Variants in CNTFR observed in about 807,000 individuals in gnomAD.
The protein encoded by CNTFR is ciliary neurotrophic factor receptor.
CNTFR carries 12 observed loss-of-function variants against 40.4 expected under a neutral mutation model. That is an observed-to-expected ratio of 0.30 (90% CI 0.19 to 0.48). The LOEUF (loss-of-function observed/expected upper bound fraction) is 0.48. Among genes scored for constraint, CNTFR ranks in the 20% least tolerant of loss-of-function variants. The pLI, the probability that CNTFR is intolerant of heterozygous loss-of-function variation, is 0.99. For missense variants in CNTFR, 414 were observed against 506.8 expected (o/e 0.82, Z 1.76); for synonymous variants, 202 against 209.6 (o/e 0.96, Z 0.31).
intron 2 of CNTFR, among the ~76,000 whole-genome samples, chr9:34,577,531 G>T (rs10217248): frequency 0.023 from 3,460 of 152,282 alleles, 142 homozygotes; most frequent in African/African-American, 0.079. Context: ...ATGAAGCCAG[G>T]CTTTGGGGAT....
At chr9:34,559,155 G>C (rs1187102449) in intron 4 of CNTFR, among the ~76,000 whole-genome samples, 1 of 152,184 alleles carries the variant, frequency 6.6e-6, no homozygotes, top group Non-Finnish European at 1.5e-5. Context: ...AATAAGCCAG[G>C]GACAGTGAAG....
intron 6 of CNTFR, among the ~76,000 whole-genome samples, chr9:34,556,843 A>T (rs1172640509): frequency 6.6e-6 from 1 of 151,958 alleles, no homozygotes; most frequent in African/African-American, 2.4e-5. Flanking sequence ...TTTTCACTTC[A>T]ACTTTTCCAG....
intron 7 of CNTFR, among the ~76,000 whole-genome samples, chr9:34,555,494 GA>G (rs1825798595): frequency 6.6e-6 from 1 of 152,144 alleles, no homozygotes; most frequent in Non-Finnish European, 1.5e-5. Flanking sequence ...CTCAAAGCAA[GA>G]GAACCCGAAG....
chr9:34,556,169 G>A (rs1362581397), intron 7 of CNTFR, 86 bp downstream of exon 7: 2 of 1,436,916 alleles, frequency 1.4e-6, no homozygotes, highest in East Asian at 4.9e-5. Flanking sequence ...TCACACTGGA[G>A]CTGCTGCCAC....
At position 34,557,954 on chromosome 9, in the gene CNTFR, C is replaced by T. The variant is rs774551895; in HGVS notation, c.350G>A (p.Arg117His). 1.3e-5 allele frequency: 20 copies of T among 1,558,052 alleles called. No individual in the cohort carries two copies. In the Middle Eastern group the frequency reaches 5.2e-4, roughly 40 times the overall value. ...LPPREPVLSC[R>H]SNTYPKGFYC... ...GAAGCCCTTGGGGTAAGTGTTGGAG[C>T]GGCAGCTGAGCACAGGCTCCCGCGG... The change falls in exon 5 of 10, where the codon CGC (arginine) becomes CAC (histidine). Residue 117 changes from arginine to histidine, a missense_variant. Physicochemically the swap from Arg to His is conservative, Grantham distance 29. Coordinates refer to ENST00000378980, the MANE Select transcript of CNTFR (RefSeq NM_147164.3). The surrounding 1 kb of genome is among the most constrained non-coding windows in gnomAD (Gnocchi z 4.2).
In CNTFR at chr9:34,589,717, C is replaced by G. The variant is rs1827700133; in HGVS notation, c.-274G>C. 1 of 155,836 alleles carries G rather than the reference C, an allele frequency of 6.4e-6. No homozygotes were observed. Among genetic ancestry groups the G allele is most frequent in the Non-Finnish European group, 1.4e-5 (1 of 71,470 alleles). 9.7% of individuals were successfully genotyped at this position (155,836 alleles called of 1,614,324 possible). A position where few individuals can be genotyped will look rare whatever the true frequency, so the allele number is the denominator to read the frequency against. ...CTCCGCTGCCGCCGCCGCCGCCGCC[C>G]GCTCTGCACCGGCTCTTCAGCGCTC... On this transcript the variant is annotated 5_prime_UTR_variant, in exon 1 of 10. Transcript: ENST00000378980. This position sits in a 1 kb window ranked among gnomAD's most constrained non-coding sequence, Gnocchi z 4.4.
At chr9:34,560,659 T>C (rs902858473) in intron 4 of CNTFR, among the ~76,000 whole-genome samples, 2 of 152,194 alleles carry the variant, frequency 1.3e-5, no homozygotes, top group African/African-American at 4.8e-5. Context: ...TTAAAGAGAG[T>C]GTGTGAGCAA....
In CNTFR at chr9:34,557,897, T is replaced by C; in HGVS notation, c.407A>G (p.Tyr136Cys). Reference sequence around the variant, plus strand: ...AGTCACATTGAAGGTGTTGGGAATGTAGGTGGGGGTGGGCAGATGCCAGCT... The same window carrying C: ...AGTCACATTGAAGGTGTTGGGAATGCAGGTGGGGGTGGGCAGATGCCAGCT... ...YCSWHLPTPT[Y>C]IPNTFNVTVL... The change falls in exon 5 of 10, where the codon TAC becomes TGC. Residue 136 changes from tyrosine (Y) to cysteine (C), a missense_variant. Transcript: ENST00000378980. The surrounding 1 kb of genome is among the most constrained non-coding windows in gnomAD (Gnocchi z 4.2). The C allele has an allele frequency of 3.8e-6, 6 of 1,569,824 alleles. No homozygotes were observed. In the South Asian group the frequency reaches 6.0e-5, roughly 16 times the overall value.
intron 2 of CNTFR, 73 bp from the exon 3 acceptor site, chr9:34,569,054 G>C (rs1167869767): frequency 4.3e-6 from 6 of 1,396,970 alleles, no homozygotes; most frequent in Non-Finnish European, 5.9e-6. Context: ...AGCCCCTCCT[G>C]TTCTCAGGCA....
rs988856201 is a variant in CNTFR at position 34,552,027 on chromosome 9, T to A, written c.*44A>T. 3 of 1,145,726 alleles carry A rather than the reference T, an allele frequency of 2.6e-6. No individual in the cohort carries two copies. Among genetic ancestry groups the A allele is most frequent in the Non-Finnish European group, 2.6e-6 (2 of 767,062 alleles). 71.0% of individuals were successfully genotyped at this position (1,145,726 alleles called of 1,614,324 possible). On this transcript the variant is annotated 3_prime_UTR_variant, in exon 10 of 10. Coordinates refer to ENST00000378980, the MANE Select transcript of CNTFR (RefSeq NM_147164.3). This position sits in a 1 kb window ranked among gnomAD's most constrained non-coding sequence, Gnocchi z 5.1. ...GTCTGCAGGCTCAGCTCCGGCCTCC[T>A]GCTCCTCTGCAGGTGCTCTGCATGT... is the stretch of plus-strand genomic sequence containing the variant.
intron 4 of CNTFR, among the ~76,000 whole-genome samples, chr9:34,559,363 G>C (rs946232467): frequency 6.6e-6 from 1 of 152,224 alleles, no homozygotes; most frequent in Non-Finnish European, 1.5e-5. Context: ...TGAGGGGGCA[G>C]AGAGGCATCA....
At chr9:34,562,909 CCTT>C (rs1040508407) in intron 4 of CNTFR, among the ~76,000 whole-genome samples, 5 of 152,106 alleles carry the variant, frequency 3.3e-5, no homozygotes, top group East Asian at 1.9e-4. Context: ...CTTGCTGGCT[CCTT>C]CTTATTTCTT....
intron 4 of CNTFR, among the ~76,000 whole-genome samples, chr9:34,558,515 T>G (rs1369001062): frequency 6.6e-6 from 1 of 152,202 alleles, no homozygotes; most frequent in African/African-American, 2.4e-5. Flanking sequence ...GCTGTTTGTA[T>G]GCGTATCTGT....
Position 34,552,561 on chromosome 9 carries a change from G to A in CNTFR, c.949+113C>T. 8.4e-7 allele frequency: 1 copy of A among 1,196,328 alleles called. No homozygotes were observed. Among genetic ancestry groups the A allele is most frequent in the Non-Finnish European group, 1.1e-6 (1 of 870,832 alleles). The allele number at this position is 1,196,328 out of a possible 1,614,324, so 74.1% of individuals were successfully genotyped here. The stretch of plus-strand genomic sequence containing the variant: ...AGGAGTTGGACAGACAGGCAGAAGT[G>A]TGGCTACCCCCGGGAGCAGAGGCTG... On this transcript the variant is annotated intron_variant, in intron 8 of 9. Transcript: ENST00000378980. The surrounding 1 kb of genome is among the most constrained non-coding windows in gnomAD (Gnocchi z 5.1).
In CNTFR at chr9:34,555,861, G is replaced by A. The variant is rs572723017; in HGVS notation, c.768+394C>T. Among the ~76,000 whole-genome samples, 446 of 151,076 alleles carry A rather than the reference G, an allele frequency of 3.0e-3. 4 individuals are homozygous for A. The highest frequency in any genetic ancestry group is 0.01 in the African/African-American group (412 of 41,026). On this transcript the variant is annotated intron_variant, in intron 7 of 9. Transcript: ENST00000378980. ...TGGTCAGGGCTGAGAGCGAGGTAAGGAAAGGGAGCCTTGCCTGTCCTGCCC... is the reference window on the plus strand; with the variant it reads ...TGGTCAGGGCTGAGAGCGAGGTAAGAAAAGGGAGCCTTGCCTGTCCTGCCC...
chr9:34,573,025 C>T (rs1235798600), intron 2 of CNTFR, among the ~76,000 whole-genome samples: 2 of 152,188 alleles, frequency 1.3e-5, no homozygotes, highest in Admixed American at 6.5e-5. Flanking sequence ...GTCTGACAGC[C>T]GCCGTCGGTA....
chr9:34,557,745 G>A lies in CNTFR; in HGVS notation c.438-53C>T. The A allele has an allele frequency of 6.2e-7, 1 of 1,607,722 alleles. No homozygotes were observed. Among genetic ancestry groups the A allele is most frequent in the South Asian group, 1.1e-5 (1 of 90,884 alleles). On this transcript the variant is annotated intron_variant, in intron 5 of 9. Coordinates refer to ENST00000378980, the MANE Select transcript of CNTFR (RefSeq NM_147164.3). The surrounding 1 kb of genome is among the most constrained non-coding windows in gnomAD (Gnocchi z 4.2). ...TTACGAACATCAAGGGTCAGGTGGG[G>A]CAGAGGTTGAGGAAAGGTCAAGCCC...
intron 1 of CNTFR, among the ~76,000 whole-genome samples, chr9:34,583,071 G>C (rs557949338): frequency 1.3e-5 from 2 of 152,142 alleles, no homozygotes; most frequent in Admixed American, 6.5e-5. Context: ...AATTACAGCC[G>C]CTCCCCCAGC....
chr9:34,590,659 AG>A (rs1395509112), upstream of CNTFR, among the ~76,000 whole-genome samples: 1 of 152,198 alleles, frequency 6.6e-6, no homozygotes, highest in African/African-American at 2.4e-5. Context: ...ATGAAGGGGT[AG>A]GGAGGGTGCA....
Sources: allele counts gnomAD v4.1 joint callset (sites outside exome capture counted in the v4.1 genomes callset), GRCh38; gene constraint gnomAD v4.1.1; non-coding constraint Gnocchi (gnomAD v3.1); transcripts MANE v1.5; gene names NCBI Gene and HGNC (gene_info 2026-07-23, HGNC 2026-07-21).